The following PLCB4 variants were observed in gnomAD, a reference collection of about 807,000 sequenced individuals.
The protein encoded by PLCB4 is 1-phosphatidylinositol 4,5-bisphosphate phosphodiesterase beta-4.
In PLCB4, 77 loss-of-function variants were observed where a neutral mutation model predicts 178.8. The ratio of observed to expected loss-of-function variants is 0.43; its 90% confidence interval spans 0.36 to 0.52. The LOEUF (loss-of-function observed/expected upper bound fraction) is 0.52. PLCB4 is among the 20% of genes least tolerant of loss of function. The pLI is 0.00. For synonymous variants in PLCB4, 496 were observed against 490.8 expected (o/e 1.01, Z -0.14); for missense variants, 1,024 against 1,453.4 (o/e 0.70, Z 4.80).
intron 3 of PLCB4, among the ~76,000 whole-genome samples, chr20:9,242,278 A>C: frequency 6.6e-6 from 1 of 152,182 alleles, no homozygotes; most frequent in African/African-American, 2.4e-5. Context: ...TAGACTCCCC[A>C]GTGCTCGCAG....
chr20:9,350,716 G>T (rs1012376636), intron 7 of PLCB4, among the ~76,000 whole-genome samples: 2 of 151,912 alleles, frequency 1.3e-5, no homozygotes, highest in South Asian at 4.2e-4. Context: ...ATGCCACCAC[G>T]CCCAGCTAAT....
chr20:9,471,819 T>C (rs2044212560), intron 36 of PLCB4, among the ~76,000 whole-genome samples: 1 of 149,592 alleles, frequency 6.7e-6, no homozygotes, highest in African/African-American at 2.6e-5. Flanking sequence ...GACAACTGGA[T>C]TGGAGTAAGG....
intron 2 of PLCB4, among the ~76,000 whole-genome samples, chr20:9,215,905 A>G (rs188033968): frequency 5.3e-5 from 8 of 152,308 alleles, no homozygotes; most frequent in African/African-American, 1.7e-4. Context: ...ACTACTTCAG[A>G]CTTTTTAAAT....
At chr20:9,280,465 G>GA in intron 3 of PLCB4, 1 of 984,066 alleles carries the variant, frequency 1.0e-6, no homozygotes, top group Non-Finnish European at 1.2e-6. Flanking sequence ...GAAGGGAAGG[G>GA]AAAAAAAGGA....
At chr20:9,219,313 C>T (rs191362488) in intron 3 of PLCB4, among the ~76,000 whole-genome samples, 4 of 152,166 alleles carry the variant, frequency 2.6e-5, no homozygotes, top group East Asian at 1.9e-4. Context: ...ACTAAAAATA[C>T]GAAAAATTAG....
At chr20:9,472,204 C>T (rs745866139) in intron 36 of PLCB4, among the ~76,000 whole-genome samples, 4 of 152,138 alleles carry the variant, frequency 2.6e-5, no homozygotes, top group Admixed American at 6.5e-5. Context: ...ACACAGGAAG[C>T]GATGCCACTG....
Position 9,203,314 on chromosome 20 carries a change from A to G in PLCB4, c.-78-14076A>G, listed in dbSNP as rs1207253366. ...ATTTTGGATCCTCTGTTTTAGGTAT[A>G]TCACCCTGCTTCTATACAGCTGTCT... On this transcript the variant is annotated intron_variant, in intron 2 of 39. Transcript: ENST00000378473. Among the ~76,000 whole-genome samples, 3 of 151,982 alleles carry G rather than the reference A, an allele frequency of 2.0e-5. No homozygotes were observed. In the East Asian group the frequency reaches 5.8e-4, roughly 29 times the overall value.
chr20:9,227,020 T>C (rs1601298465), intron 3 of PLCB4, among the ~76,000 whole-genome samples: 1 of 152,230 alleles, frequency 6.6e-6, no homozygotes, highest in South Asian at 2.1e-4. Flanking sequence ...AGGTATGAAA[T>C]GGTACCTCCT....
At chr20:9,413,792 G>T (rs1385746551) in intron 25 of PLCB4, among the ~76,000 whole-genome samples, 1 of 151,834 alleles carries the variant, frequency 6.6e-6, no homozygotes, top group Non-Finnish European at 1.5e-5. Flanking sequence ...ACAGGGTTTC[G>T]CTCTGTCACC....
At chr20:9,386,131 C>G (rs1447638498) in intron 14 of PLCB4, among the ~76,000 whole-genome samples, 2 of 152,048 alleles carry the variant, frequency 1.3e-5, no homozygotes, top group Non-Finnish European at 2.9e-5. Flanking sequence ...CGCACACCCG[C>G]AATCCCAGGC....
Position 9,084,503 on chromosome 20 carries a change from T to C in PLCB4, c.-134-11784T>C, listed in dbSNP as rs79223680. 6.9e-3 allele frequency among the ~76,000 whole-genome samples: 601 copies of C among 86,868 alleles called. 1 individual carries two copies. The highest frequency in any genetic ancestry group is 0.034 in the Middle Eastern group (4 of 118). The allele number at this position is 86,868 out of a possible 152,430, so 57.0% of individuals were successfully genotyped here. Reference sequence around the variant, plus strand: ...CTTTAGTTAGTTGGTGCTTTCTCTTTGTAATTTTTTTTTTTGTGTGGGGAA... The same window carrying C: ...CTTTAGTTAGTTGGTGCTTTCTCTTCGTAATTTTTTTTTTTGTGTGGGGAA... On this transcript the variant is annotated intron_variant, in intron 1 of 39. Coordinates refer to ENST00000378473, the MANE Select transcript of PLCB4 (RefSeq NM_001377142.1).
chr20:9,083,392 CA>C (rs2090251588), intron 1 of PLCB4, among the ~76,000 whole-genome samples: 2 of 152,234 alleles, frequency 1.3e-5, no homozygotes, highest in African/African-American at 4.8e-5. Flanking sequence ...CACACACACA[CA>C]CACCGCAGGT....
At chr20:9,077,014 T>C (rs1182866391) in intron 1 of PLCB4, among the ~76,000 whole-genome samples, 1 of 152,140 alleles carries the variant, frequency 6.6e-6, no homozygotes, top group East Asian at 1.9e-4. Context: ...TACATTTACA[T>C]GTATAAGTAT....
At chr20:9,430,519 C>T (rs970845543) in intron 28 of PLCB4, among the ~76,000 whole-genome samples, 5 of 152,150 alleles carry the variant, frequency 3.3e-5, no homozygotes, top group East Asian at 1.9e-4. Context: ...AATAAGGCAG[C>T]ATGTTAGGAT....
At chr20:9,444,970 A>G (rs983504602) in intron 32 of PLCB4, among the ~76,000 whole-genome samples, 3 of 152,176 alleles carry the variant, frequency 2.0e-5, no homozygotes, top group Admixed American at 6.5e-5. Context: ...TTTCTCCCTT[A>G]TGTAAATCTT....
intron 4 of PLCB4, among the ~76,000 whole-genome samples, chr20:9,320,105 G>T (rs568283412): frequency 6.6e-6 from 1 of 152,118 alleles, no homozygotes; most frequent in East Asian, 1.9e-4. Flanking sequence ...CAGAAGAATC[G>T]CTATTCCATA....
intron 2 of PLCB4, among the ~76,000 whole-genome samples, chr20:9,180,223 T>C (rs1568904861): frequency 6.6e-6 from 1 of 152,202 alleles, no homozygotes; most frequent in African/African-American, 2.4e-5. Context: ...TCTGCCTTGG[T>C]ATTATTATGG....
At chr20:9,172,848 C>T (rs1486892638) in intron 2 of PLCB4, among the ~76,000 whole-genome samples, 1 of 152,152 alleles carries the variant, frequency 6.6e-6, no homozygotes, top group Admixed American at 6.6e-5. Flanking sequence ...AAAGTTACTT[C>T]CATATGTCTG....
intron 2 of PLCB4, among the ~76,000 whole-genome samples, chr20:9,190,272 C>T (rs190081736): frequency 2.6e-5 from 4 of 152,006 alleles, no homozygotes; most frequent in Admixed American, 1.3e-4. Flanking sequence ...AATTGTAATC[C>T]CCACGTGTCA....
Sources: gnomAD v4.1 joint callset for allele counts (sites outside exome capture counted in the v4.1 genomes callset) on GRCh38, gnomAD v4.1.1 for gene constraint, MANE v1.5 for transcripts, NCBI Gene and HGNC (gene_info 2026-07-23, HGNC 2026-07-21) for gene names.